SIPA1L1: variants seen among roughly 807,000 people sequenced by gnomAD.
SIPA1L1 encodes the protein signal induced proliferation associated 1 like 1, also known as signal-induced proliferation-associated 1-like protein 1.
Under a neutral mutation model 162.7 loss-of-function variants are expected in SIPA1L1, and 26 were observed. That is an observed-to-expected ratio of 0.16 (90% CI 0.12 to 0.22). The LOEUF (loss-of-function observed/expected upper bound fraction) is 0.22, where lower values mean the gene tolerates loss of function less well. SIPA1L1 is among the 10% of genes least tolerant of loss of function. The probability of loss-of-function intolerance (pLI) is 1.00; values close to 1 mark genes in which losing one functional copy is unlikely to be tolerated. For synonymous variants in SIPA1L1, 829 were observed against 837.4 expected (o/e 0.99, Z 0.17); for missense variants, 1,874 against 2,241.0 (o/e 0.84, Z 3.31).
chr14:71,735,351 C>G lies in SIPA1L1; in HGVS notation c.5083C>G (p.Leu1695Val). 1 of 1,614,156 alleles carries G rather than the reference C, an allele frequency of 6.2e-7. No individual in the cohort carries two copies. Among genetic ancestry groups the G allele is most frequent in the Non-Finnish European group, 8.5e-7 (1 of 1,179,986 alleles). The change falls in exon 22 of 24, where the codon CTG (leucine) becomes GTG (valine). Residue 1695 changes from leucine to valine, a missense_variant. Transcript: ENST00000381232. ...GAGTGCTGCATCCAACAGTGATCAG[C>G]TGGAGGACCAGGCTCTGGCCCAGAT... ...PLSAASNSDQ[L>V]EDQALAQMKP... is the part of the protein sequence containing the mutation.
chr14:71,457,956 G>T (rs2046311130), intron 2 of SIPA1L1, among the ~76,000 whole-genome samples: 1 of 151,932 alleles, frequency 6.6e-6, no homozygotes, highest in African/African-American at 2.4e-5. Flanking sequence ...TTCTTTTTTT[G>T]GATTTACATT....
chr14:71,486,522 T>G (rs2048768465), intron 2 of SIPA1L1, among the ~76,000 whole-genome samples: 1 of 152,234 alleles, frequency 6.6e-6, no homozygotes, highest in South Asian at 2.1e-4. Context: ...AGTGTGGTGT[T>G]TAAATGGGCA....
intron 7 of SIPA1L1, among the ~76,000 whole-genome samples, chr14:71,642,286 A>C (rs2041793602): frequency 6.6e-6 from 1 of 152,184 alleles, no homozygotes; most frequent in South Asian, 2.1e-4. Flanking sequence ...GTACCCAGTT[A>C]AAGGCCAGAA....
chr14:71,702,520 T>C lies in SIPA1L1; in HGVS notation c.3646+15T>C. ...TGACCAGATGGGTAAGTAATCAATTTCTACAAGAAGAAAGTTGCTTTTACA... is the reference window on the plus strand; with the variant it reads ...TGACCAGATGGGTAAGTAATCAATTCCTACAAGAAGAAAGTTGCTTTTACA... On this transcript the variant is annotated intron_variant, in intron 15 of 23. Transcript: ENST00000381232. 2 of 1,612,384 alleles carry C rather than the reference T, an allele frequency of 1.2e-6. No homozygotes were observed. Among genetic ancestry groups the C allele is most frequent in the African/African-American group, 1.3e-5 (1 of 75,002 alleles).
rs1426548193 is a variant in SIPA1L1 at position 71,735,330 on chromosome 14, G to T, written c.5062G>T (p.Ala1688Ser). The T allele has an allele frequency of 6.2e-7, 1 of 1,614,192 alleles. No individual in the cohort carries two copies. Among genetic ancestry groups the T allele is most frequent in the African/African-American group, 1.3e-5 (1 of 75,050 alleles). Residue 1688 changes from alanine (A) to serine (S), a missense_variant, in exon 22 of 24, where the codon GCT becomes TCT. Physicochemically the swap from Ala to Ser is moderately conservative, Grantham distance 99 (BLOSUM62 1). This residue lies in a region of SIPA1L1 where 936 missense variants were observed against 1,051.9 expected (regional missense o/e 0.89). Transcript: ENST00000381232. ...ASDENHRPLS[A>S]ASNSDQLEDQ... ...TGATGAAAACCATCGCCCCTTGAGT[G>T]CTGCATCCAACAGTGATCAGCTGGA...
intron 6 of SIPA1L1, among the ~76,000 whole-genome samples, chr14:71,619,944 C>G (rs1282831248): frequency 6.6e-6 from 1 of 152,178 alleles, no homozygotes; most frequent in African/African-American, 2.4e-5. Flanking sequence ...CATGGCAAAG[C>G]TAATCATTAA....
At chr14:71,705,048 C>T in intron 15 of SIPA1L1, 174 bp from the exon 16 acceptor site, 2 of 623,014 alleles carry the variant, frequency 3.2e-6, no homozygotes, top group Non-Finnish European at 5.7e-6. Flanking sequence ...ATCCATCAGC[C>T]ACTTAAGTTT....
At chr14:71,431,002 G>A (rs747372530) in intron 2 of SIPA1L1, among the ~76,000 whole-genome samples, 6 of 151,778 alleles carry the variant, frequency 4.0e-5, no homozygotes, top group Non-Finnish European at 8.8e-5. Context: ...TATATTTTTT[G>A]TTATTTAGGG....
At chr14:71,391,044 G>A (rs2040704391) in intron 2 of SIPA1L1, among the ~76,000 whole-genome samples, 1 of 151,120 alleles carries the variant, frequency 6.6e-6, no homozygotes, top group African/African-American at 2.4e-5. Flanking sequence ...GACAATGACA[G>A]TGGAAAGGAA....
chr14:71,561,415 A>G (rs914671056), intron 4 of SIPA1L1, among the ~76,000 whole-genome samples: 30 of 152,202 alleles, frequency 2.0e-4, no homozygotes, highest in African/African-American at 7.2e-4. Flanking sequence ...TCGCAATCCA[A>G]TAGCATTGTA....
chr14:71,682,537 A>G (rs991371869), intron 12 of SIPA1L1, among the ~76,000 whole-genome samples: 1 of 152,186 alleles, frequency 6.6e-6, no homozygotes, highest in Non-Finnish European at 1.5e-5. Context: ...TTATGAATGA[A>G]TCTTCTCTCT....
At position 71,730,317 on chromosome 14, in the gene SIPA1L1, G is replaced by C; in HGVS notation, c.4861+16G>C. 1.2e-6 allele frequency: 2 copies of C among 1,612,880 alleles called. No individual in the cohort carries two copies. Among genetic ancestry groups the C allele is most frequent in the Non-Finnish European group, 1.7e-6 (2 of 1,179,284 alleles). On this transcript the variant is annotated intron_variant, in intron 20 of 23. Transcript: ENST00000381232. ...TCGCTGCATGGTAAGTGGTCTTTCA[G>C]CTGCAGCCTGGATGGCCCTGTTGAT...
chr14:71,605,932 G>A (rs61989424), intron 5 of SIPA1L1, among the ~76,000 whole-genome samples: 3,436 of 152,290 alleles, frequency 0.023, 49 homozygotes, highest in Non-Finnish European at 0.033. Flanking sequence ...AAGCAGGCAT[G>A]ATAGGGGTGA....
intron 5 of SIPA1L1, among the ~76,000 whole-genome samples, chr14:71,602,350 A>G (rs926107224): frequency 5.3e-5 from 8 of 151,936 alleles, no homozygotes; most frequent in Non-Finnish European, 1.0e-4. Context: ...TTTAATTTCT[A>G]TTTATTTTTA....
intron 13 of SIPA1L1, among the ~76,000 whole-genome samples, chr14:71,687,304 C>T (rs1352628676): frequency 6.6e-6 from 1 of 152,144 alleles, no homozygotes; most frequent in East Asian, 1.9e-4. Flanking sequence ...TCCAAGAGAC[C>T]TCTGAGTAAA....
chr14:71,624,643 T>C (rs764625453), intron 7 of SIPA1L1, among the ~76,000 whole-genome samples: 2 of 152,154 alleles, frequency 1.3e-5, no homozygotes, highest in Non-Finnish European at 2.9e-5. Context: ...GTTATCTCAT[T>C]TAATCTCCCT....
chr14:71,626,980 T>G (rs1324508388), intron 7 of SIPA1L1, among the ~76,000 whole-genome samples: 1 of 151,906 alleles, frequency 6.6e-6, no homozygotes, highest in Non-Finnish European at 1.5e-5. Context: ...ATCTAATAAT[T>G]TTTTTATTTA....
At chr14:71,363,067 A>C (rs1236272191) in intron 2 of SIPA1L1, among the ~76,000 whole-genome samples, 1 of 152,252 alleles carries the variant, frequency 6.6e-6, no homozygotes, top group Admixed American at 6.5e-5. Flanking sequence ...AATGGCTTGT[A>C]AAACTGTATT....
intron 4 of SIPA1L1, among the ~76,000 whole-genome samples, chr14:71,571,226 G>C (rs1244759518): frequency 2.0e-5 from 3 of 152,014 alleles, no homozygotes; most frequent in Admixed American, 1.3e-4. Flanking sequence ...ATACCTAAGA[G>C]AAAAAGATAA....
Sources: allele counts gnomAD v4.1 joint callset (sites outside exome capture counted in the v4.1 genomes callset), GRCh38; gene constraint gnomAD v4.1.1; regional missense constraint gnomAD v4.1.1; transcripts MANE v1.5; gene names NCBI Gene and HGNC (gene_info 2026-07-23, HGNC 2026-07-21).